HDAC8: variants seen among roughly 807,000 people sequenced by gnomAD.
The protein encoded by HDAC8 is histone deacetylase 8.
In HDAC8, 1 loss-of-function variant was observed where a neutral mutation model predicts 32.2. That is an observed-to-expected ratio of 0.03 (90% confidence interval 0.01 to 0.15). HDAC8 has a LOEUF of 0.15. Among genes scored for constraint, HDAC8 ranks in the 10% least tolerant of loss-of-function variants. The probability of loss-of-function intolerance (pLI) is 1.00; values close to 1 mark genes in which losing one functional copy is unlikely to be tolerated. For missense variants in HDAC8, 117 were observed against 300.0 expected (o/e 0.39, Z 4.51); for synonymous variants, 108 against 113.9 (o/e 0.95, Z 0.33).
intron 9 of HDAC8, among the ~76,000 whole-genome samples, chrX:72,411,088 C>A (rs1022908005): frequency 1.0e-5 from 1 of 99,492 alleles, no homozygotes; most frequent in African/African-American, 4.0e-5. Flanking sequence ...TGCAGTGGTG[C>A]AATCTCGGCT....
intron 10 of HDAC8, among the ~76,000 whole-genome samples, chrX:72,347,908 A>T (rs888898650): frequency 8.9e-6 from 1 of 111,966 alleles, no homozygotes; most frequent in African/African-American, 3.2e-5. Flanking sequence ...TCTCTGTGTG[A>T]AGCTAAGAGC....
At chrX:72,430,976 A>C (rs1456412942) in intron 9 of HDAC8, among the ~76,000 whole-genome samples, 1 of 111,830 alleles carries the variant, frequency 8.9e-6, no homozygotes, top group Non-Finnish European at 1.9e-5. Context: ...CGCTGCCTCT[A>C]TTGTCTTACA....
At chrX:72,457,753 T>C (rs990313716) in intron 9 of HDAC8, among the ~76,000 whole-genome samples, 4 of 112,128 alleles carry the variant, frequency 3.6e-5, no homozygotes, top group Non-Finnish European at 5.6e-5. Context: ...AATATTGTTA[T>C]GATGTTACTC....
rs192706268 is a variant in HDAC8 at position 72,536,962 on chromosome X, G to C, written c.437+30927C>G. The stretch of plus-strand genomic sequence containing the variant: ...CAGCACAGAGAGAAAGAAGGTTTGG[G>C]CTGTTTCTTCAAAACTGGGATAGAT... On this transcript the variant is annotated intron_variant, in intron 4 of 10. Coordinates refer to ENST00000373573, the MANE Select transcript of HDAC8 (RefSeq NM_018486.3). 2.7e-5 allele frequency among the ~76,000 whole-genome samples: 3 copies of C among 111,985 alleles called. No individual in the cohort carries two copies. In the Admixed American group the frequency reaches 2.8e-4, roughly 11 times the overall value.
chrX:72,572,803 C>T lies in HDAC8; in HGVS notation c.-42G>A. On this transcript the variant is annotated 5_prime_UTR_variant, in exon 1 of 11. Coordinates refer to ENST00000373573, the MANE Select transcript of HDAC8 (RefSeq NM_018486.3). ...TTCCGCAGCCACCTTCCAGATCTGGCTTTTTTCGGACTCGGCCAGGGTTCC... is the reference window on the plus strand; with the variant it reads ...TTCCGCAGCCACCTTCCAGATCTGGTTTTTTTCGGACTCGGCCAGGGTTCC... The T allele has an allele frequency of 9.0e-7, 1 of 1,107,597 alleles. No homozygotes were observed. Among genetic ancestry groups the T allele is most frequent in the Non-Finnish European group, 1.2e-6 (1 of 802,342 alleles). 91.3% of individuals were successfully genotyped at this position (1,107,597 alleles called of 1,213,427 possible). A position where few individuals can be genotyped will look rare whatever the true frequency, so the allele number is the denominator to read the frequency against.
chrX:72,334,622 T>C (rs1428814340), intron 10 of HDAC8, among the ~76,000 whole-genome samples: 1 of 111,948 alleles, frequency 8.9e-6, no homozygotes, highest in African/African-American at 3.2e-5. Flanking sequence ...CAGTTTCCAC[T>C]GTGTTAAATT....
At chrX:72,438,096 C>T (rs782813634) in intron 9 of HDAC8, among the ~76,000 whole-genome samples, 6 of 111,846 alleles carry the variant, frequency 5.4e-5, no homozygotes, top group African/African-American at 1.3e-4. Flanking sequence ...AGGAGAACTC[C>T]GGCTGGCATC....
At chrX:72,409,281 C>T (rs1384383590) in intron 9 of HDAC8, among the ~76,000 whole-genome samples, 1 of 111,812 alleles carries the variant, frequency 8.9e-6, no homozygotes, top group African/African-American at 3.3e-5. Flanking sequence ...CTTCCCTCTG[C>T]CTTCACGTTG....
intron 9 of HDAC8, among the ~76,000 whole-genome samples, chrX:72,389,933 G>A (rs1231785662): frequency 4.5e-5 from 5 of 111,788 alleles, no homozygotes; most frequent in African/African-American, 1.3e-4. Context: ...GGGGGGCAGG[G>A]ATGTGGATGC....
chrX:72,371,512 G>A (rs2044876079), intron 9 of HDAC8, among the ~76,000 whole-genome samples: 2 of 111,283 alleles, frequency 1.8e-5, no homozygotes, highest in Non-Finnish European at 3.8e-5. Flanking sequence ...TCCTGGATGC[G>A]GTGGAGAAAT....
intron 4 of HDAC8, among the ~76,000 whole-genome samples, chrX:72,534,314 TA>T (rs59050895): frequency 0.026 from 2,406 of 94,112 alleles, 95 homozygotes; most frequent in African/African-American, 0.1. Context: ...TATATATATA[TA>T]TTTTTTTTTT....
chrX:72,444,514 T>C (rs1176253052), intron 9 of HDAC8, among the ~76,000 whole-genome samples: 8 of 109,007 alleles, frequency 7.3e-5, no homozygotes, highest in African/African-American at 2.7e-4. Context: ...CTCAATAAAT[T>C]AGGTATTGAT....
chrX:72,463,942 C>A (rs1470593600), intron 8 of HDAC8, among the ~76,000 whole-genome samples: 1 of 111,947 alleles, frequency 8.9e-6, no homozygotes, highest in African/African-American at 3.2e-5. Context: ...GATGTTGTGA[C>A]AAGTTCTTTT....
chrX:72,516,731 T>C (rs1056474315), intron 4 of HDAC8, among the ~76,000 whole-genome samples: 2 of 112,107 alleles, frequency 1.8e-5, no homozygotes, highest in Non-Finnish European at 1.9e-5. Context: ...CTTCTTCTAA[T>C]TGTCTTTTTC....
intron 9 of HDAC8, among the ~76,000 whole-genome samples, chrX:72,412,634 T>C (rs2147902430): frequency 1.8e-5 from 2 of 111,681 alleles, no homozygotes; most frequent in South Asian, 7.5e-4. Context: ...GGTGAAAAAG[T>C]TTAAGAAATG....
At chrX:72,520,088 A>G (rs1310179859) in intron 4 of HDAC8, among the ~76,000 whole-genome samples, 4 of 112,046 alleles carry the variant, frequency 3.6e-5, no homozygotes, top group Non-Finnish European at 5.6e-5. Context: ...TTGAAGGGCA[A>G]GTTTTAAATT....
At chrX:72,435,186 AG>A (rs1450553482) in intron 9 of HDAC8, among the ~76,000 whole-genome samples, 3 of 111,861 alleles carry the variant, frequency 2.7e-5, no homozygotes, top group African/African-American at 9.8e-5. Flanking sequence ...GCAGAAGTAG[AG>A]GGAATTCAAT....
intron 9 of HDAC8, among the ~76,000 whole-genome samples, chrX:72,448,294 C>A (rs2047472349): frequency 1.8e-5 from 2 of 111,446 alleles, no homozygotes; most frequent in Non-Finnish European, 3.8e-5. Flanking sequence ...ATCTACAACC[C>A]TCTGATTTTT....
chrX:72,504,195 A>T (rs2049313533), intron 4 of HDAC8, among the ~76,000 whole-genome samples: 2 of 111,994 alleles, frequency 1.8e-5, no homozygotes, highest in African/African-American at 6.5e-5. Context: ...ACATAAAATT[A>T]ATTATTTTAA....
Sources: gnomAD v4.1 joint callset for allele counts (sites outside exome capture counted in the v4.1 genomes callset) on GRCh38, gnomAD v4.1.1 for gene constraint, MANE v1.5 for transcripts, NCBI Gene and HGNC (gene_info 2026-07-23, HGNC 2026-07-21) for gene names.